Variants in NCOA4 observed in about 807,000 individuals in gnomAD.
The protein encoded by NCOA4 is nuclear receptor coactivator 4, also known as 70 kDa AR-activator.
Under a neutral mutation model 69.5 loss-of-function variants are expected in NCOA4, and 31 were observed. That is an observed-to-expected ratio of 0.45 (90% confidence interval 0.34 to 0.60). NCOA4 has a LOEUF of 0.60. NCOA4 is among the 20% of genes least tolerant of loss of function. The pLI, the probability that NCOA4 is intolerant of heterozygous loss-of-function variation, is 0.02. For missense variants in NCOA4, 600 were observed against 719.2 expected (o/e 0.83, Z 1.90); for synonymous variants, 228 against 252.4 (o/e 0.90, Z 0.92).
Position 46,011,178 on chromosome 10 carries a change from T to A in NCOA4, c.743A>T (p.Asn248Ile), listed in dbSNP as rs117257055. Reference protein sequence around the residue: ...QTSSRACNFFNNVGGNLKGLE... With the variant: ...QTSSRACNFFINVGGNLKGLE... ...GCCCTTTAGGTTTCCCCCGACATTA[T>A]TGAAGAAATTGCAGGCTCTGGAAGA... is the stretch of plus-strand genomic sequence containing the variant. Residue 248 changes from asparagine to isoleucine, a missense_variant, in exon 8 of 10, where the codon AAT becomes ATT. Coordinates refer to ENST00000581486, the MANE Select transcript of NCOA4 (RefSeq NM_001145263.2). 3 of 1,597,062 alleles carry A rather than the reference T, an allele frequency of 1.9e-6. No homozygotes were observed. Among genetic ancestry groups the A allele is most frequent in the Middle Eastern group, 1.7e-4 (1 of 5,920 alleles).
chr10:46,006,712 A>AT, intron 9 of NCOA4, 115 bp from the exon 10 acceptor site: 1 of 970,378 alleles, frequency 1.0e-6, no homozygotes, highest in South Asian at 1.3e-5. Flanking sequence ...GTTACATTGT[A>AT]TTTTTTACAA....
At chr10:46,018,252 A>C (rs1361711278) in intron 1 of NCOA4, among the ~76,000 whole-genome samples, 1 of 152,232 alleles carries the variant, frequency 6.6e-6, no homozygotes, top group Non-Finnish European at 1.5e-5. Context: ...AACAGATCCC[A>C]AAACAATCTC....
At chr10:46,020,180 G>A (rs1193682950) in intron 1 of NCOA4, among the ~76,000 whole-genome samples, 1 of 152,190 alleles carries the variant, frequency 6.6e-6, no homozygotes, top group African/African-American at 2.4e-5. Context: ...ATTTTCAACA[G>A]TTATTCACCA....
rs782364570 is a variant in NCOA4, at chr10:46,010,401, C to A, written c.1520G>T (p.Ser507Ile). The A allele has an allele frequency of 1.2e-6, 2 of 1,614,164 alleles. No individual in the cohort carries two copies. The highest frequency in any genetic ancestry group is 2.2e-5 in the South Asian group (2 of 91,088). The change falls in exon 8 of 10, where the codon AGT becomes ATT. Residue 507 changes from serine (S) to isoleucine (I), a missense_variant. Coordinates refer to ENST00000581486, the MANE Select transcript of NCOA4 (RefSeq NM_001145263.2). ...WLIRPPYKEG[S>I]PKEVPGTEDR... ...TTCAGTACCAGGCACTTCCTTGGGA[C>A]TTCCTTCTTTGTATGGGGGCCTGAT...
intron 7 of NCOA4, among the ~76,000 whole-genome samples, chr10:46,011,564 C>T (rs568077327): frequency 5.1e-4 from 77 of 152,112 alleles, no homozygotes; most frequent in African/African-American, 1.8e-3. Context: ...CGTGAGCCAC[C>T]ACGCCCGGCC....
chr10:46,016,285 GTAGT>G (rs1177901417), intron 2 of NCOA4, among the ~76,000 whole-genome samples: 3 of 53,880 alleles, frequency 5.6e-5, no homozygotes, highest in Admixed American at 2.9e-4. Context: ...AAAAATCTAA[GTAGT>G]TAGTAATCTA....
intron 7 of NCOA4, among the ~76,000 whole-genome samples, chr10:46,012,069 A>G (rs1839246715): frequency 7.7e-6 from 1 of 129,662 alleles, no homozygotes; most frequent in Non-Finnish European, 1.6e-5. Flanking sequence ...TCAAAAAGAA[A>G]GAAAAAAAAA....
intron 1 of NCOA4, chr10:46,027,341 A>C (rs1377135945): frequency 2.6e-6 from 3 of 1,146,316 alleles, no homozygotes; most frequent in African/African-American, 3.1e-5. Flanking sequence ...TAAGCATTGC[A>C]ATGTTATGAT....
At chr10:46,026,535 A>T (rs1467419795) in intron 1 of NCOA4, among the ~76,000 whole-genome samples, 1 of 152,206 alleles carries the variant, frequency 6.6e-6, no homozygotes, top group Non-Finnish European at 1.5e-5. Flanking sequence ...ATGTTAACTT[A>T]CCTACTATCA....
At position 46,007,581 on chromosome 10, in the gene NCOA4, CTTTTTTTTTTTTTTTT is replaced by C. The variant is rs71026287; in HGVS notation, c.1840-1000_1840-985del. Among the ~76,000 whole-genome samples the C allele has an allele frequency of 8.2e-5, 7 of 85,486 alleles. No homozygotes were observed. The South Asian group carries it at 2.1e-3, about 26-fold the overall frequency. 56.1% of individuals were successfully genotyped at this position (85,486 alleles called of 152,430 possible). A position where few individuals can be genotyped will look rare whatever the true frequency, so the allele number is the denominator to read the frequency against. ...TTAGGGACTAACACAGCCAGTGACT[CTTTTTTTTTTTTTTTT>C]TTTTTTTTTTTTTGAGACAGGGTCT... On this transcript the variant is annotated intron_variant, in intron 9 of 9. Coordinates refer to ENST00000581486, the MANE Select transcript of NCOA4 (RefSeq NM_001145263.2).
At chr10:46,012,411 T>G (rs1218967165) in intron 7 of NCOA4, among the ~76,000 whole-genome samples, 1 of 152,168 alleles carries the variant, frequency 6.6e-6, no homozygotes, top group East Asian at 1.9e-4. Context: ...CCTGGATGTT[T>G]AGGGAATCCT....
At chr10:46,025,382 C>A (rs1333131418) in intron 1 of NCOA4, among the ~76,000 whole-genome samples, 1 of 152,172 alleles carries the variant, frequency 6.6e-6, no homozygotes, top group Non-Finnish European at 1.5e-5. Flanking sequence ...TGGATTCACA[C>A]CCCAATATCC....
At chr10:46,009,966 G>C (rs549909897) in intron 8 of NCOA4, among the ~76,000 whole-genome samples, 83 of 152,182 alleles carry the variant, frequency 5.5e-4, no homozygotes, top group African/African-American at 2.0e-3. Context: ...CAGGAGTTCA[G>C]AGACCAGCCC....
At position 46,014,911 on chromosome 10, in the gene NCOA4, T is replaced by C. The variant is rs1554922737; in HGVS notation, c.314A>G (p.Gln105Arg). The change falls in exon 4 of 10, where the codon CAA becomes CGA. Residue 105 changes from glutamine (Q) to arginine (R), a missense_variant. By Grantham distance (43) the Gln-to-Arg change is conservative (BLOSUM62 1). Transcript: ENST00000581486. ...LLGQFNCLTH[Q>R]LECTQNKDLA... ...ATCTTTGTTTTGGGTACACTCCAGT[T>C]GATGAGTAAGACAATTGAACTGGCC... The C allele has an allele frequency of 6.2e-7, 1 of 1,614,098 alleles. No individual in the cohort carries two copies. Among genetic ancestry groups the C allele is most frequent in the South Asian group, 1.1e-5 (1 of 91,074 alleles).
chr10:46,013,038 A>T lies in NCOA4; in HGVS notation c.571-12T>A. ...CCGGATGCTGACTTCTGTTAATCAC[A>T]AAACAAGGAATGTCAAATGCAGTAG... On this transcript the variant is annotated splice_polypyrimidine_tract_variant and intron_variant, in intron 6 of 9. Transcript: ENST00000581486. 2 of 1,613,440 alleles carry T rather than the reference A, an allele frequency of 1.2e-6. No homozygotes were observed. The highest frequency in any genetic ancestry group is 1.7e-6 in the Non-Finnish European group (2 of 1,179,564).
At chr10:46,025,585 G>A (rs1043110330) in intron 1 of NCOA4, among the ~76,000 whole-genome samples, 5 of 152,162 alleles carry the variant, frequency 3.3e-5, no homozygotes, top group South Asian at 2.1e-4. Context: ...GGATAGTTTG[G>A]TTTATCTTGT....
At chr10:46,021,891 G>A (rs568308245) in intron 1 of NCOA4, among the ~76,000 whole-genome samples, 4 of 152,240 alleles carry the variant, frequency 2.6e-5, no homozygotes, top group East Asian at 1.9e-4. Flanking sequence ...CCTGGGAGGC[G>A]GAGGTTGCAG....
Position 46,006,575 on chromosome 10 carries a change from A to G in NCOA4, c.*17T>C, listed in dbSNP as rs782741575. The G allele has an allele frequency of 2.5e-5, 40 of 1,613,968 alleles. 1 individual carries two copies. The South Asian group carries it at 4.4e-4, about 18-fold the overall frequency. ...GTGATAATCAGCAGAAAGGCTGCTC[A>G]ACTCTTGTCCATTCCTTCACATCTG... On this transcript the variant is annotated 3_prime_UTR_variant, in exon 10 of 10. Coordinates refer to ENST00000581486, the MANE Select transcript of NCOA4 (RefSeq NM_001145263.2).
chr10:46,015,423 G>GA (rs1203041379), intron 2 of NCOA4, among the ~76,000 whole-genome samples, 157 bp from the exon 3 acceptor site: 5 of 152,040 alleles, frequency 3.3e-5, no homozygotes, highest in Non-Finnish European at 7.4e-5. Context: ...TATCTCCCCA[G>GA]AAAAAATGTA....
Sources: gnomAD v4.1 joint callset for allele counts (sites outside exome capture counted in the v4.1 genomes callset) on GRCh38, gnomAD v4.1.1 for gene constraint, MANE v1.5 for transcripts, NCBI Gene and HGNC (gene_info 2026-07-23, HGNC 2026-07-21) for gene names.